The following CHRNB4 variants were observed in gnomAD, a reference collection of about 807,000 sequenced individuals.
The protein encoded by CHRNB4 is cholinergic receptor nicotinic beta 4 subunit.
A neutral mutation model predicts 40.4 loss-of-function variants in CHRNB4; 23 were observed. The ratio of observed to expected loss-of-function variants is 0.57; its 90% CI spans 0.41 to 0.81. The LOEUF (loss-of-function observed/expected upper bound fraction) is 0.81. CHRNB4 is among the 30% of genes least tolerant of loss of function. The pLI is 0.00. For missense variants in CHRNB4, 568 were observed against 670.6 expected, an observed-to-expected ratio of 0.85 and a Z score of 1.69; for synonymous variants, 285 against 274.4, an observed-to-expected ratio of 1.04 and a Z score of -0.38.
chr15:78,624,129 A>C lies in CHRNB4; in HGVS notation c.*1004T>G, dbSNP rs896464435. Reference sequence around the variant, plus strand: ...CCATTCATTCATTCAACAAACATTTATTGAGCACCTACTGTGTGCCAAGCT... The same window carrying C: ...CCATTCATTCATTCAACAAACATTTCTTGAGCACCTACTGTGTGCCAAGCT... On this transcript the variant is annotated 3_prime_UTR_variant, in exon 6 of 6. Coordinates refer to ENST00000261751, the MANE Select transcript of CHRNB4 (RefSeq NM_000750.5). 1.3e-5 allele frequency: 2 copies of C among 152,200 alleles called. No individual in the cohort carries two copies. Among genetic ancestry groups the C allele is most frequent in the Admixed American group, 1.3e-4 (2 of 15,270 alleles). 9.4% of individuals were successfully genotyped at this position (152,200 alleles called of 1,614,324 possible).
intron 5 of CHRNB4, among the ~76,000 whole-genome samples, chr15:78,655,006 A>G (rs1005094254): frequency 2.6e-5 from 4 of 152,124 alleles, no homozygotes; most frequent in Non-Finnish European, 5.9e-5. Flanking sequence ...ACATTTTAAA[A>G]ATGTACAACT....
intron 5 of CHRNB4, among the ~76,000 whole-genome samples, chr15:78,628,735 C>G (rs7178270): frequency 0.37 from 56,132 of 152,030 alleles, 10,582 homozygotes; most frequent in Non-Finnish European, 0.4. Flanking sequence ...CCCATCTTGG[C>G]GTTTGCTTCT....
intron 5 of CHRNB4, among the ~76,000 whole-genome samples, chr15:78,653,624 T>G (rs1455977542): frequency 7.0e-6 from 1 of 141,906 alleles, no homozygotes; most frequent in African/African-American, 2.5e-5. Context: ...CTGCCTCCAG[T>G]GGCTAGCATC....
chr15:78,635,294 G>A (rs998035594), intron 2 of CHRNB4, 145 bp downstream of exon 2: 2 of 930,748 alleles, frequency 2.1e-6, no homozygotes, highest in Non-Finnish European at 3.1e-6. Flanking sequence ...TGAACTTCAT[G>A]GACCCTTCTG....
Position 78,629,873 on chromosome 15 carries a change from C to A in CHRNB4, c.432G>T (p.Leu144=). The change falls in exon 5 of 6, where the codon CTG becomes CTT. Residue 144 remains leucine, a synonymous_variant. Transcript: ENST00000261751. This position sits in a 1 kb window ranked among gnomAD's most constrained non-coding sequence, Gnocchi z 6.8. ...AGGCGCTCTTGTAGATGGCAGGGGG[C>A]AGCCACAGGACGCTGCCGTTGGACC... ...IVRSNGSVLW[L]PPAIYKSACK... 6.2e-7 allele frequency: 1 copy of A among 1,613,498 alleles called. No homozygotes were observed. The highest frequency in any genetic ancestry group is 8.5e-7 in the Non-Finnish European group (1 of 1,179,944).
At chr15:78,646,687 T>G (rs2054125785) in intron 7 of CHRNB4, among the ~76,000 whole-genome samples, 1 of 152,166 alleles carries the variant, frequency 6.6e-6, no homozygotes, top group African/African-American at 2.4e-5. Flanking sequence ...CTTATGAAGG[T>G]GGTGATCCCA....
At position 78,651,336 on chromosome 15, in the gene CHRNB4, G is replaced by A. The variant is rs751473716; in HGVS notation, c.-16+1242C>T. Among the ~76,000 whole-genome samples, 13 of 152,346 alleles carry A rather than the reference G, an allele frequency of 8.5e-5. 1 individual carries two copies. The Middle Eastern group carries it at 0.024, about 279-fold the overall frequency. On this transcript the variant is annotated intron_variant and NMD_transcript_variant, in intron 6 of 11. Transcript: ENST00000559849. ...TCACCCCTTGGTTTCAGCAGTGACA[G>A]ATGTAGTGGTGCTGGCAAATGCCAG...
chr15:78,638,676 G>A (rs1200361500), intron 1 of CHRNB4, among the ~76,000 whole-genome samples: 1 of 152,214 alleles, frequency 6.6e-6, no homozygotes, highest in East Asian at 1.9e-4. Context: ...GGGATACTGG[G>A]GACTGGAATG....
At chr15:78,635,070 G>C (rs142154704) in intron 2 of CHRNB4, among the ~76,000 whole-genome samples, 17 of 152,134 alleles carry the variant, frequency 1.1e-4, no homozygotes, top group African/African-American at 4.1e-4. Flanking sequence ...CTCCCAACAA[G>C]TAAGAAGCAT....
At chr15:78,631,595 G>C (rs557279968) in intron 2 of CHRNB4, among the ~76,000 whole-genome samples, 35 of 152,300 alleles carry the variant, frequency 2.3e-4, no homozygotes, top group South Asian at 1.5e-3. Flanking sequence ...CAGAAGCGTG[G>C]ACACTGTCTC....
chr15:78,626,384 G>GTT (rs568800924), intron 5 of CHRNB4: 4,098 of 86,804 alleles, frequency 0.047, 168 homozygotes, highest in African/African-American at 0.088. Flanking sequence ...GTGTGTGTGT[G>GTT]TTTCCCCCTT....
chr15:78,637,404 C>T (rs887105186), intron 1 of CHRNB4, among the ~76,000 whole-genome samples: 3 of 151,642 alleles, frequency 2.0e-5, no homozygotes, highest in African/African-American at 7.3e-5. Context: ...AGGAGGCAAG[C>T]CTGGGAGGAG....
intron 5 of CHRNB4, among the ~76,000 whole-genome samples, chr15:78,655,063 C>A (rs543838931): frequency 1.5e-4 from 23 of 152,290 alleles, no homozygotes; most frequent in African/African-American, 5.5e-4. Context: ...ATTCAGACAG[C>A]AAACATTTCC....
upstream of CHRNB4, chr15:78,661,571 GT>G: frequency 5.6e-6 from 3 of 533,924 alleles, no homozygotes; most frequent in Non-Finnish European, 1.1e-5. Flanking sequence ...TGCGCGGAAC[GT>G]TTTTTGGTCC....
At chr15:78,653,637 C>T (rs2054190440) in intron 5 of CHRNB4, among the ~76,000 whole-genome samples, 1 of 135,492 alleles carries the variant, frequency 7.4e-6, no homozygotes, top group African/African-American at 2.5e-5. Flanking sequence ...CTAGCATCTT[C>T]AGGCTTTACC....
Position 78,636,203 on chromosome 15 carries a change from G to A in CHRNB4, c.56-616C>T, listed in dbSNP as rs191480635. Among the ~76,000 whole-genome samples, 11 of 152,078 alleles carry A rather than the reference G, an allele frequency of 7.2e-5. No homozygotes were observed. In the East Asian group the frequency reaches 9.7e-4, roughly 13 times the overall value. On this transcript the variant is annotated intron_variant, in intron 1 of 5. Transcript: ENST00000261751. ...ATTACAGGTGTGAGCCACCATTCCCGGTCCTAGTCCTATCTTTTACCTTCC... is the reference window on the plus strand; with the variant it reads ...ATTACAGGTGTGAGCCACCATTCCCAGTCCTAGTCCTATCTTTTACCTTCC...
intron 3 of CHRNB4, chr15:78,656,732 G>C (rs1003831440): frequency 6.6e-6 from 1 of 152,176 alleles, no homozygotes; most frequent in Non-Finnish European, 1.5e-5. Context: ...CCAGAGACGG[G>C]CATAAAAACC....
chr15:78,653,768 G>T (rs56778876), intron 5 of CHRNB4, among the ~76,000 whole-genome samples: 1 of 152,138 alleles, frequency 6.6e-6, no homozygotes, highest in Non-Finnish European at 1.5e-5. Flanking sequence ...CTCCTGTTGC[G>T]GGGGCTGAAA....
intron 2 of CHRNB4, 48 bp from the exon 3 acceptor site, chr15:78,631,380 A>G (rs2053807941): frequency 6.3e-7 from 1 of 1,587,244 alleles, no homozygotes; most frequent in African/African-American, 1.3e-5. Context: ...GAGGAGCCTC[A>G]CAAATGGATT....
Sources: gnomAD v4.1 joint callset for allele counts (sites outside exome capture counted in the v4.1 genomes callset) on GRCh38, gnomAD v4.1.1 for gene constraint, Gnocchi (gnomAD v3.1) non-coding constraint, MANE v1.5 for transcripts, NCBI Gene and HGNC (gene_info 2026-07-23, HGNC 2026-07-21) for gene names.